Variants in FEZ1 observed in about 807,000 individuals in gnomAD.
FEZ1 encodes the protein fasciculation and elongation protein zeta 1, also known as fasciculation and elongation protein zeta-1.
FEZ1 carries 20 observed loss-of-function variants against 49.3 expected under a neutral mutation model. The observed-to-expected ratio is 0.41, with a 90% CI of 0.29 to 0.59. The LOEUF (loss-of-function observed/expected upper bound fraction) is 0.59, where lower values mean the gene tolerates loss of function less well. Ranked by LOEUF, FEZ1 falls within the 20% of genes least tolerant of loss-of-function variation. The probability of loss-of-function intolerance (pLI) is 0.36; values close to 1 mark genes in which losing one functional copy is unlikely to be tolerated. For missense variants in FEZ1, 413 were observed against 476.0 expected (o/e 0.87, Z 1.23); for synonymous variants, 170 against 180.9 (o/e 0.94, Z 0.48).
At chr11:125,454,407 A>T in intron 6 of FEZ1, 197 bp from the exon 7 acceptor site, 1 of 434,344 alleles carries the variant, frequency 2.3e-6, no homozygotes, top group Admixed American at 4.2e-5. Flanking sequence ...AGTCTCAAGA[A>T]CTCTTATCTT....
intron 3 of FEZ1, among the ~76,000 whole-genome samples, chr11:125,479,265 T>C (rs1005405590): frequency 6.6e-6 from 1 of 152,250 alleles, no homozygotes; most frequent in Non-Finnish European, 1.5e-5. Context: ...CTGATCTCTT[T>C]GCTGTGCTAT....
Position 125,480,144 on chromosome 11 carries a change from G to A in FEZ1, c.411+1390C>T, listed in dbSNP as rs574025152. ...TAATCCCAACACTTTGAGAGTCCGAGTTGGGTGGATTGCTTGAGCTCAGGA... is the reference window on the plus strand; with the variant it reads ...TAATCCCAACACTTTGAGAGTCCGAATTGGGTGGATTGCTTGAGCTCAGGA... On this transcript the variant is annotated intron_variant, in intron 3 of 9. Transcript: ENST00000278919. Among the ~76,000 whole-genome samples, 4 of 152,308 alleles carry A rather than the reference G, an allele frequency of 2.6e-5. No individual in the cohort carries two copies. The East Asian group carries it at 7.7e-4, about 29-fold the overall frequency.
At position 125,489,168 on chromosome 11, in the gene FEZ1, G is replaced by T; in HGVS notation, c.311+299C>A. The T allele has an allele frequency of 9.4e-7, 1 of 1,062,268 alleles. No homozygotes were observed. The highest frequency in any genetic ancestry group is 1.7e-5 in the African/African-American group (1 of 60,348). The allele number at this position is 1,062,268 out of a possible 1,614,324, so 65.8% of individuals were successfully genotyped here. The stretch of plus-strand genomic sequence containing the variant: ...TCTAATATCTCGCTGGATTTCCACT[G>T]ATATAAAGAAAGCTTAAGATAGACA... On this transcript the variant is annotated intron_variant, in intron 2 of 9. Coordinates refer to ENST00000278919, the MANE Select transcript of FEZ1 (RefSeq NM_005103.5). The surrounding 1 kb of genome is among the most constrained non-coding windows in gnomAD (Gnocchi z 4.2).
rs1347208502 is a variant in FEZ1 at position 125,455,921 on chromosome 11, G to A, written c.853C>T (p.Arg285Ter). The A allele has an allele frequency of 6.2e-6, 10 of 1,612,910 alleles. No individual in the cohort carries two copies. Among genetic ancestry groups the A allele is most frequent in the African/African-American group, 2.7e-5 (2 of 74,554 alleles). ...TTCCGCCTCTTTTTCATCAGTTCTC[G>A]CTGCTCCTTCTGCTTGTTCTGAACC... The part of the protein sequence containing the change: ...IEVQNKQKEQ[R>*]ELMKKRRKEK... The change falls in exon 6 of 10, where the codon CGA becomes TGA. Residue 285 changes from arginine to a stop codon, truncating the protein, a stop_gained. Transcript: ENST00000278919. LOFTEE classifies it high-confidence loss of function.
chr11:125,457,418 A>T (rs1957021598), intron 5 of FEZ1, among the ~76,000 whole-genome samples: 1 of 53,880 alleles, frequency 1.9e-5, no homozygotes, highest in Non-Finnish European at 3.5e-5. Context: ...AAAAAAAAAA[A>T]AAAAAAAAAA....
rs945471918 is a variant in FEZ1, at chr11:125,494,789, G to A, written c.-46+1332C>T. ...CACAATGATGCACTCGCTGCATCTC[G>A]GGGCTGCGGTACAAATGCTCAGTCC... On this transcript the variant is annotated intron_variant, in intron 1 of 9. Transcript: ENST00000278919. Among the ~76,000 whole-genome samples, 14 of 152,256 alleles carry A rather than the reference G, an allele frequency of 9.2e-5. No homozygotes were observed. In the East Asian group the frequency reaches 2.5e-3, roughly 27 times the overall value.
intron 9 of FEZ1, among the ~76,000 whole-genome samples, chr11:125,447,284 A>T (rs1565529506): frequency 6.6e-6 from 1 of 152,220 alleles, no homozygotes. Context: ...CACCATGGGG[A>T]TGAAATTAGC....
intron 5 of FEZ1, among the ~76,000 whole-genome samples, chr11:125,458,059 C>T (rs1226016147): frequency 1.3e-5 from 2 of 152,134 alleles, no homozygotes; most frequent in South Asian, 2.1e-4. Context: ...CAAGGGCAGT[C>T]GGGAATGCAG....
intron 5 of FEZ1, among the ~76,000 whole-genome samples, chr11:125,457,500 GTA>G (rs1227847416): frequency 5.6e-5 from 6 of 108,016 alleles, no homozygotes; most frequent in Non-Finnish European, 7.3e-5. Context: ...GTGTATATAT[GTA>G]TATATATACA....
At chr11:125,484,097 G>A (rs1957307081) in intron 2 of FEZ1, among the ~76,000 whole-genome samples, 1 of 152,146 alleles carries the variant, frequency 6.6e-6, no homozygotes, top group African/African-American at 2.4e-5. Context: ...AGATAAAGCA[G>A]CTTTCTTCTC....
rs1342926766 is a variant in FEZ1 at position 125,454,847 on chromosome 11, C to G, written c.940-637G>C. On this transcript the variant is annotated intron_variant, in intron 6 of 9. Coordinates refer to ENST00000278919, the MANE Select transcript of FEZ1 (RefSeq NM_005103.5). ...TGACCAACATGGTGAAACTCCGTCTCTACTAAAAATACAAAAATTAGCCAG... is the reference window on the plus strand; with the variant it reads ...TGACCAACATGGTGAAACTCCGTCTGTACTAAAAATACAAAAATTAGCCAG... Among the ~76,000 whole-genome samples the G allele has an allele frequency of 2.0e-5, 3 of 151,432 alleles. No individual in the cohort carries two copies. In the East Asian group the frequency reaches 5.8e-4, roughly 29 times the overall value.
chr11:125,468,143 G>A (rs892668144), intron 3 of FEZ1, among the ~76,000 whole-genome samples: 12 of 152,042 alleles, frequency 7.9e-5, no homozygotes, highest in Non-Finnish European at 1.3e-4. Flanking sequence ...TCTGAGTAGA[G>A]TTCCACAGTC....
chr11:125,469,974 C>A (rs1341606159), intron 3 of FEZ1, among the ~76,000 whole-genome samples: 1 of 152,032 alleles, frequency 6.6e-6, no homozygotes, highest in Non-Finnish European at 1.5e-5. Flanking sequence ...CTTGTCCTCC[C>A]AAAGTGCTAG....
chr11:125,490,372 C>T (rs939555016), intron 1 of FEZ1, among the ~76,000 whole-genome samples: 2 of 152,142 alleles, frequency 1.3e-5, no homozygotes, highest in African/African-American at 4.8e-5. Context: ...GTGTGTTTTG[C>T]TGCAGAAATA....
At chr11:125,463,437 C>G (rs1238311418) in intron 4 of FEZ1, 47 bp downstream of exon 4, 2 of 1,121,564 alleles carry the variant, frequency 1.8e-6, no homozygotes, top group South Asian at 1.3e-5. Flanking sequence ...GACTTTTTCT[C>G]CATCAAAAGA....
chr11:125,462,351 C>T (rs1233854179), intron 4 of FEZ1, among the ~76,000 whole-genome samples: 1 of 152,198 alleles, frequency 6.6e-6, no homozygotes, highest in African/African-American at 2.4e-5. Flanking sequence ...CAATTGAATG[C>T]GAAGCACTCT....
chr11:125,459,531 G>T (rs1374571950), intron 5 of FEZ1, among the ~76,000 whole-genome samples: 1 of 152,158 alleles, frequency 6.6e-6, no homozygotes, highest in African/African-American at 2.4e-5. Context: ...GGCAGAGGCT[G>T]CAGTGAGCCA....
At chr11:125,459,172 A>G (rs979280255) in intron 5 of FEZ1, among the ~76,000 whole-genome samples, 2 of 152,242 alleles carry the variant, frequency 1.3e-5, no homozygotes, top group African/African-American at 2.4e-5. Context: ...AAACCTACTC[A>G]ATGTAATGGG....
intron 3 of FEZ1, among the ~76,000 whole-genome samples, chr11:125,464,797 G>A (rs1215995260): frequency 6.6e-6 from 1 of 152,202 alleles, no homozygotes; most frequent in Admixed American, 6.5e-5. Flanking sequence ...GTAGGACAGG[G>A]AGGTAATGGA....
Sources: allele counts gnomAD v4.1 joint callset (sites outside exome capture counted in the v4.1 genomes callset), GRCh38; gene constraint gnomAD v4.1.1; non-coding constraint Gnocchi (gnomAD v3.1); transcripts MANE v1.5; gene names NCBI Gene and HGNC (gene_info 2026-07-23, HGNC 2026-07-21).